ZNF710: variants seen among roughly 807,000 people sequenced by gnomAD.
ZNF710 encodes zinc finger protein 710.
In ZNF710, 13 loss-of-function variants were observed where a neutral mutation model predicts 50.6. The ratio of observed to expected loss-of-function variants is 0.26; its 90% confidence interval spans 0.17 to 0.41. ZNF710 has a LOEUF of 0.41. Ranked by LOEUF, ZNF710 falls within the 10% of genes least tolerant of loss-of-function variation. The probability of loss-of-function intolerance (pLI) is 1.00; values close to 1 mark genes in which losing one functional copy is unlikely to be tolerated. For synonymous variants in ZNF710, 383 were observed against 397.0 expected (o/e 0.96, Z 0.42); for missense variants, 721 against 936.6 (o/e 0.77, Z 3.01).
chr15:90,007,088 A>C (rs531451597), intron 1 of ZNF710, among the ~76,000 whole-genome samples: 2 of 152,166 alleles, frequency 1.3e-5, no homozygotes, highest in African/African-American at 4.8e-5. Context: ...GGGCTGAACC[A>C]TCAGAGCTTT....
At chr15:90,030,287 C>T (rs921844831) in intron 1 of ZNF710, among the ~76,000 whole-genome samples, 1 of 126,782 alleles carries the variant, frequency 7.9e-6, no homozygotes, top group African/African-American at 3.2e-5. Flanking sequence ...CAATATCACG[C>T]CATTGCATTC....
At chr15:90,036,149 C>A (rs1899116950) in intron 1 of ZNF710, among the ~76,000 whole-genome samples, 1 of 152,080 alleles carries the variant, frequency 6.6e-6, no homozygotes, top group Non-Finnish European at 1.5e-5. Flanking sequence ...TCTTCTCTAC[C>A]CTGTTTCCTT....
chr15:90,063,007 G>T (rs1056886522), intron 1 of ZNF710, among the ~76,000 whole-genome samples: 1 of 152,124 alleles, frequency 6.6e-6, no homozygotes, highest in Non-Finnish European at 1.5e-5. Flanking sequence ...CAACTGCCCA[G>T]GTGGGCAGTG....
chr15:90,016,202 C>T (rs1043858065), intron 1 of ZNF710, among the ~76,000 whole-genome samples: 5 of 151,996 alleles, frequency 3.3e-5, no homozygotes, highest in South Asian at 2.1e-4. Context: ...GGAGGGTAGG[C>T]GGAGGTGGGG....
intron 1 of ZNF710, among the ~76,000 whole-genome samples, chr15:90,010,640 A>C (rs933769835): frequency 1.3e-5 from 2 of 151,896 alleles, no homozygotes; most frequent in African/African-American, 2.4e-5. Flanking sequence ...GGTGTTTTCT[A>C]TGTGTTCTTT....
chr15:90,021,053 G>A (rs554905280), intron 1 of ZNF710, among the ~76,000 whole-genome samples: 3 of 150,834 alleles, frequency 2.0e-5, no homozygotes, highest in Non-Finnish European at 3.0e-5. Context: ...CTCCAAGGGT[G>A]AGGGTTTCAG....
intron 1 of ZNF710, among the ~76,000 whole-genome samples, chr15:90,016,687 C>T (rs1898465412): frequency 2.6e-5 from 4 of 152,182 alleles, no homozygotes; most frequent in African/African-American, 9.7e-5. Flanking sequence ...CTTGGCTTCC[C>T]AAGGATTATA....
At chr15:90,003,737 G>A (rs1410514574) in intron 1 of ZNF710, among the ~76,000 whole-genome samples, 1 of 152,084 alleles carries the variant, frequency 6.6e-6, no homozygotes, top group African/African-American at 2.4e-5. Flanking sequence ...CTTTCTCATT[G>A]GTTTTATTAG....
In ZNF710 at chr15:90,051,026, G is replaced by A. The variant is rs575202643; in HGVS notation, c.-28-16084G>A. On this transcript the variant is annotated intron_variant, in intron 1 of 4. Transcript: ENST00000268154. ...GGCCGAGGTGGGCGGATCACTTGAG[G>A]TCAGGAGTTGGAGACCAACCTGGCC... Among the ~76,000 whole-genome samples, 117 of 152,048 alleles carry A rather than the reference G, an allele frequency of 7.7e-4. No homozygotes were observed. The Middle Eastern group carries it at 0.01, about 13-fold the overall frequency.
intron 1 of ZNF710, among the ~76,000 whole-genome samples, chr15:90,060,985 C>T (rs1037377601): frequency 3.3e-5 from 5 of 152,158 alleles, no homozygotes; most frequent in Non-Finnish European, 5.9e-5. Context: ...AGGATAAGTT[C>T]GAGGCACTGC....
At chr15:90,071,261 TA>T (rs5814409) in intron 2 of ZNF710, among the ~76,000 whole-genome samples, 68,826 of 142,026 alleles carry the variant, frequency 0.48, 17,324 homozygotes, top group East Asian at 0.73. Context: ...GACTCTGTCT[TA>T]AAAAAAAAAA....
At chr15:90,045,571 C>T (rs1899433857) in intron 1 of ZNF710, among the ~76,000 whole-genome samples, 1 of 151,952 alleles carries the variant, frequency 6.6e-6, no homozygotes, top group Admixed American at 6.6e-5. Context: ...TGGTGCGTGG[C>T]CTGTGAGCTC....
intron 1 of ZNF710, among the ~76,000 whole-genome samples, chr15:90,060,669 C>T (rs921697977): frequency 6.6e-6 from 1 of 152,132 alleles, no homozygotes. Flanking sequence ...GCCTGGCCAA[C>T]ATGGTGAACA....
At position 90,081,399 on chromosome 15, in the gene ZNF710, G is replaced by A. The variant is rs1596069532; in HGVS notation, c.*1570G>A. 6.6e-6 allele frequency: 1 copy of A among 152,224 alleles called. No individual in the cohort carries two copies. The allele number at this position is 152,224 out of a possible 1,614,324, so 9.4% of individuals were successfully genotyped here. A position where few individuals can be genotyped will look rare whatever the true frequency, so the allele number is the denominator to read the frequency against. ...GGTCTTCCCCAAAGGCACAGATGAA[G>A]CCACTAGCTTCAGCCTAGAAACCCG... On this transcript the variant is annotated 3_prime_UTR_variant, in exon 5 of 5. Transcript: ENST00000268154.
At chr15:90,079,528 G>C (rs1027020180) in intron 4 of ZNF710, 132 bp from the exon 5 acceptor site, 1 of 1,130,800 alleles carries the variant, frequency 8.8e-7, no homozygotes, top group Non-Finnish European at 1.3e-6. Context: ...GGAAGGCTGA[G>C]AGGCAGCTGA....
intron 1 of ZNF710, among the ~76,000 whole-genome samples, chr15:90,028,304 C>T (rs958752106): frequency 6.6e-6 from 1 of 152,144 alleles, no homozygotes. Flanking sequence ...TCAATAGTTC[C>T]GCATACAAAT....
At chr15:90,069,573 A>AG (rs1331634912) in intron 2 of ZNF710, among the ~76,000 whole-genome samples, 2 of 152,184 alleles carry the variant, frequency 1.3e-5, no homozygotes. Context: ...AGAAGTACAG[A>AG]GGGTGTCCTT....
intron 1 of ZNF710, among the ~76,000 whole-genome samples, chr15:90,066,474 A>ATTTTTTTTT (rs71461840): frequency 1.7e-5 from 2 of 120,522 alleles, no homozygotes. Context: ...ATTTTTAAGG[A>ATTTTTTTTT]TTTTTTTTTT....
intron 1 of ZNF710, among the ~76,000 whole-genome samples, chr15:90,027,211 T>A (rs1898804849): frequency 6.6e-6 from 1 of 151,968 alleles, no homozygotes; most frequent in Admixed American, 6.5e-5. Context: ...TTCTTTTTCT[T>A]CTTCTGTTTT....
Sources: gnomAD v4.1 joint callset for allele counts (sites outside exome capture counted in the v4.1 genomes callset) on GRCh38, gnomAD v4.1.1 for gene constraint, MANE v1.5 for transcripts, NCBI Gene and HGNC (gene_info 2026-07-23, HGNC 2026-07-21) for gene names.